Variants in DMD observed in about 807,000 individuals in gnomAD.
The protein encoded by DMD is dystrophin.
Under a neutral mutation model 330.1 loss-of-function variants are expected in DMD, and 63 were observed. That is an observed-to-expected ratio of 0.19 (90% CI 0.16 to 0.24). The LOEUF is 0.24. Among genes scored for constraint, DMD ranks in the 10% least tolerant of loss-of-function variants. The pLI, the probability that DMD is intolerant of heterozygous loss-of-function variation, is 1.00. For missense variants in DMD, 3,344 were observed against 2,684.1 expected (o/e 1.25, Z -5.43); for synonymous variants, 1,223 against 959.8 (o/e 1.27, Z -5.07).
intron 7 of DMD, among the ~76,000 whole-genome samples, chrX:32,771,699 G>A (rs952340418): frequency 2.7e-5 from 3 of 111,363 alleles, no homozygotes; most frequent in Admixed American, 9.6e-5. Context: ...CAAAATATAC[G>A]AGTTTCTGTA....
intron 44 of DMD, among the ~76,000 whole-genome samples, chrX:32,112,149 G>A (rs765985565): frequency 1.8e-5 from 2 of 109,045 alleles, no homozygotes; most frequent in East Asian, 2.8e-4. Context: ...AGGAGATCCC[G>A]TCCCTCGAAT....
chrX:31,893,002 G>A (rs1002189416), intron 47 of DMD, among the ~76,000 whole-genome samples: 11 of 111,566 alleles, frequency 9.9e-5, no homozygotes, highest in African/African-American at 2.9e-4. Flanking sequence ...CTCACATTAC[G>A]CTCTGTAATA....
At chrX:32,330,311 C>G (rs1021032978) in intron 41 of DMD, among the ~76,000 whole-genome samples, 1 of 111,933 alleles carries the variant, frequency 8.9e-6, no homozygotes, top group Non-Finnish European at 1.9e-5. Context: ...ATATTATAAT[C>G]CTTTTATTTT....
intron 44 of DMD, among the ~76,000 whole-genome samples, chrX:32,045,404 A>G (rs1348454948): frequency 1.0e-5 from 1 of 98,647 alleles, no homozygotes; most frequent in African/African-American, 3.9e-5. Flanking sequence ...TGGCCATGTG[A>G]CATGCTTACT....
rs1341389139 is a variant in DMD at position 31,206,589 on chromosome X, C to G, written c.9642G>C (p.Lys3214Asn). The change falls in exon 66 of 79, where the codon AAG (lysine) becomes AAC (asparagine). Residue 3214 changes from lysine (K) to asparagine (N), a missense_variant. Coordinates refer to ENST00000357033, the MANE Select transcript of DMD (RefSeq NM_004006.3). The stretch of plus-strand genomic sequence containing the variant: ...TTAATATACACGACTTACATCTGTA[C>G]TTGTCTTCCAAATGTGCTTTACACA... Reference protein sequence around the residue: ...ISLCKAHLEDKYRYLFKQVAS... With the variant: ...ISLCKAHLEDNYRYLFKQVAS... 8.3e-7 allele frequency: 1 copy of G among 1,205,591 alleles called. No homozygotes were observed. The highest frequency in any genetic ancestry group is 1.7e-5 in the African/African-American group (1 of 57,176).
chrX:31,797,558 A>T (rs2091886544), intron 50 of DMD, among the ~76,000 whole-genome samples: 2 of 112,319 alleles, frequency 1.8e-5, no homozygotes, highest in South Asian at 7.4e-4. Flanking sequence ...TATATTTACC[A>T]AGAATGTTAG....
chrX:33,056,236 C>T, intron 1 of DMD, among the ~76,000 whole-genome samples: 1 of 111,192 alleles, frequency 9.0e-6, no homozygotes, highest in East Asian at 2.8e-4. Context: ...TGGTCCTCAT[C>T]AAAGTCCGCT....
intron 13 of DMD, chrX:32,583,894 T>C (rs913107273): frequency 9.0e-6 from 1 of 111,353 alleles, no homozygotes; most frequent in African/African-American, 3.3e-5. Flanking sequence ...AATTTTAAAG[T>C]AGAGAGTTTT....
At chrX:32,888,267 G>A (rs1239196356) in intron 2 of DMD, among the ~76,000 whole-genome samples, 1 of 110,073 alleles carries the variant, frequency 9.1e-6, no homozygotes, top group Non-Finnish European at 1.9e-5. Context: ...TAAGTCCTGT[G>A]TGCATTAGGT....
At chrX:32,661,772 T>C (rs2060964134) in intron 9 of DMD, among the ~76,000 whole-genome samples, 1 of 111,190 alleles carries the variant, frequency 9.0e-6, no homozygotes, top group African/African-American at 3.3e-5. Context: ...TCTAAACAGA[T>C]AGCTTGTCTA....
intron 48 of DMD, among the ~76,000 whole-genome samples, chrX:31,864,060 A>G (rs958737081): frequency 9.0e-5 from 10 of 111,369 alleles, no homozygotes; most frequent in African/African-American, 3.3e-4. Flanking sequence ...ACCCTTTTAA[A>G]ATGTCAATAT....
chrX:31,153,140 T>C (rs1445355893), intron 74 of DMD, among the ~76,000 whole-genome samples: 1 of 111,816 alleles, frequency 8.9e-6, no homozygotes, highest in Non-Finnish European at 1.9e-5. Context: ...GAGATATCAC[T>C]CATTTCATTG....
intron 63 of DMD, among the ~76,000 whole-genome samples, chrX:31,231,987 G>A (rs1181743656): frequency 9.3e-6 from 1 of 108,077 alleles, no homozygotes; most frequent in Non-Finnish European, 1.9e-5. Context: ...AGGTCCGAGA[G>A]GCTTCTTGGA....
At chrX:32,551,444 A>G (rs908711154) in intron 16 of DMD, among the ~76,000 whole-genome samples, 1 of 111,739 alleles carries the variant, frequency 8.9e-6, no homozygotes, top group African/African-American at 3.2e-5. Flanking sequence ...ACACCCTTTC[A>G]TGTTAAAAAT....
chrX:33,189,540 G>A (rs1448823421), intron 1 of DMD, among the ~76,000 whole-genome samples: 1 of 111,035 alleles, frequency 9.0e-6, no homozygotes, highest in African/African-American at 3.3e-5. Context: ...AGATGAAGTG[G>A]AAACCAGGCT....
chrX:33,032,593 C>A (rs1444755204), intron 1 of DMD, among the ~76,000 whole-genome samples: 1 of 112,076 alleles, frequency 8.9e-6, no homozygotes, highest in East Asian at 2.8e-4. Context: ...ATTGCCCTTT[C>A]AGAATATATT....
At chrX:32,416,946 T>C (rs2098168310) in intron 29 of DMD, among the ~76,000 whole-genome samples, 1 of 112,080 alleles carries the variant, frequency 8.9e-6, no homozygotes, top group Admixed American at 9.5e-5. Context: ...GTTTCTTTTT[T>C]ACCTACTAAC....
At chrX:31,858,333 G>A (rs188671159) in intron 48 of DMD, among the ~76,000 whole-genome samples, 2 of 111,300 alleles carry the variant, frequency 1.8e-5, no homozygotes, top group East Asian at 5.7e-4. Flanking sequence ...TTTTCATACT[G>A]ATAACATCTA....
In DMD at chrX:32,073,080, C is replaced by T. The variant is rs146031845; in HGVS notation, c.6439-104566G>A. ...CTGCTAAATTCGTATGTTGCAAAAA[C>T]GTACTTACTACTTCACTTAGCCTTT... On this transcript the variant is annotated intron_variant, in intron 44 of 78. Transcript: ENST00000357033. Among the ~76,000 whole-genome samples, 37 of 111,921 alleles carry T rather than the reference C, an allele frequency of 3.3e-4. No individual in the cohort carries two copies. The East Asian group carries it at 9.0e-3, about 27-fold the overall frequency.
Sources: allele counts gnomAD v4.1 joint callset (sites outside exome capture counted in the v4.1 genomes callset), GRCh38; gene constraint gnomAD v4.1.1; transcripts MANE v1.5; gene names NCBI Gene and HGNC (gene_info 2026-07-23, HGNC 2026-07-21).